Variants in RALYL observed in about 807,000 individuals in gnomAD.
The protein encoded by RALYL is RNA-binding Raly-like protein.
A neutral mutation model predicts 35.1 loss-of-function variants in RALYL; 29 were observed. The ratio of observed to expected loss-of-function variants is 0.83; its 90% confidence interval spans 0.61 to 1.13. RALYL has a LOEUF of 1.13. Among genes scored for constraint, RALYL ranks in the 50% most tolerant of loss-of-function variants. RALYL has a pLI of 0.00. For synonymous variants in RALYL, 120 were observed against 127.6 expected, an observed-to-expected ratio of 0.94 and a Z score of 0.40; for missense variants, 359 against 360.4, an observed-to-expected ratio of 1.00 and a Z score of 0.03.
At chr8:84,850,166 C>T (rs1835542125) in intron 5 of RALYL, 139 bp downstream of exon 5, 1 of 450,292 alleles carries the variant, frequency 2.2e-6, no homozygotes, top group Non-Finnish European at 3.9e-6. Flanking sequence ...TAAATCCCAA[C>T]AAAATATACA....
intron 1 of RALYL, among the ~76,000 whole-genome samples, chr8:84,230,346 A>G (rs1033147133): frequency 6.6e-6 from 1 of 152,096 alleles, no homozygotes. Flanking sequence ...ATATTAATAA[A>G]TATTGCAGGA....
intron 2 of RALYL, among the ~76,000 whole-genome samples, chr8:84,625,888 T>G (rs1264307453): frequency 1.3e-5 from 2 of 152,140 alleles, no homozygotes; most frequent in Non-Finnish European, 2.9e-5. Flanking sequence ...AGTGTCATGG[T>G]CAAGTCACAT....
chr8:84,732,074 T>A (rs1431177162), intron 2 of RALYL, among the ~76,000 whole-genome samples: 1 of 152,158 alleles, frequency 6.6e-6, no homozygotes, highest in African/African-American at 2.4e-5. Context: ...CAGAGAAAAT[T>A]CCTCTTCTAT....
intron 2 of RALYL, among the ~76,000 whole-genome samples, chr8:84,611,205 A>G (rs1818237905): frequency 6.6e-6 from 1 of 152,110 alleles, no homozygotes; most frequent in African/African-American, 2.4e-5. Context: ...TTTTTTATTC[A>G]CATAACTTTT....
At chr8:84,851,481 C>T (rs567971723) in intron 5 of RALYL, among the ~76,000 whole-genome samples, 12 of 151,920 alleles carry the variant, frequency 7.9e-5, no homozygotes, top group Admixed American at 1.3e-4. Flanking sequence ...AGATAGATTA[C>T]GGGATTAAAA....
chr8:84,916,065 C>G (rs1848413439), intron 8 of RALYL, among the ~76,000 whole-genome samples: 1 of 151,622 alleles, frequency 6.6e-6, no homozygotes, highest in African/African-American at 2.4e-5. Flanking sequence ...ATTTTCTTTC[C>G]TAAAACTGAA....
chr8:84,214,222 C>G (rs1201545877), intron 1 of RALYL, among the ~76,000 whole-genome samples: 1 of 151,942 alleles, frequency 6.6e-6, no homozygotes, highest in Non-Finnish European at 1.5e-5. Flanking sequence ...TGTAAGTGAA[C>G]TCTGAGTAAT....
intron 1 of RALYL, among the ~76,000 whole-genome samples, chr8:84,209,651 C>T (rs376016535): frequency 2.6e-5 from 4 of 152,124 alleles, no homozygotes; most frequent in Non-Finnish European, 5.9e-5. Flanking sequence ...GACTTAGGTT[C>T]ACCTGAGCCT....
At chr8:84,804,831 T>C in intron 4 of RALYL, 29 bp downstream of exon 4, 1 of 1,003,466 alleles carries the variant, frequency 1.0e-6, no homozygotes, top group Non-Finnish European at 1.3e-6. Flanking sequence ...ACTTTAAGTA[T>C]TAATTATTTA....
At chr8:84,744,984 A>G (rs1486627167) in intron 2 of RALYL, among the ~76,000 whole-genome samples, 1 of 151,950 alleles carries the variant, frequency 6.6e-6, no homozygotes, top group East Asian at 1.9e-4. Context: ...ATTCATCTGG[A>G]AAAACATTAG....
At chr8:84,551,345 G>A (rs2060707621) in intron 2 of RALYL, among the ~76,000 whole-genome samples, 1 of 152,096 alleles carries the variant, frequency 6.6e-6, no homozygotes, top group South Asian at 2.1e-4. Flanking sequence ...CTGGTTTGAA[G>A]ATGGGAATTG....
intron 1 of RALYL, among the ~76,000 whole-genome samples, chr8:84,224,788 C>G (rs1011832124): frequency 1.3e-5 from 2 of 151,968 alleles, no homozygotes; most frequent in Non-Finnish European, 2.9e-5. Context: ...TCCTGAGTAG[C>G]TGGGACTACA....
intron 1 of RALYL, among the ~76,000 whole-genome samples, chr8:84,461,646 TGA>T (rs1490096910): frequency 2.6e-5 from 4 of 151,710 alleles, no homozygotes; most frequent in East Asian, 1.9e-4. Flanking sequence ...TGTATGGTCA[TGA>T]GAGAGGTCAA....
Position 84,797,008 on chromosome 8 carries a change from C to T in RALYL, c.333-7762C>T, listed in dbSNP as rs762172593. Among the ~76,000 whole-genome samples, 17 of 152,220 alleles carry T rather than the reference C, an allele frequency of 1.1e-4. No individual in the cohort carries two copies. The South Asian group carries it at 3.3e-3, about 30-fold the overall frequency. ...CGTCACTTTGCTGTGTGTCTTAGTT[C>T]GTTTCCTGCTACTATCACAGAGTAA... On this transcript the variant is annotated intron_variant, in intron 3 of 8. Transcript: ENST00000521268.
intron 1 of RALYL, among the ~76,000 whole-genome samples, chr8:84,382,230 T>TA (rs559887402): frequency 0.05 from 6,818 of 136,358 alleles, 164 homozygotes; most frequent in Middle Eastern, 0.06. Context: ...GCATTAGAAT[T>TA]AAAAAAAAAA....
intron 2 of RALYL, among the ~76,000 whole-genome samples, chr8:84,759,636 A>G (rs930260325): frequency 6.6e-6 from 1 of 152,204 alleles, no homozygotes. Flanking sequence ...GAGTTTTGCT[A>G]GAATACTGCC....
At chr8:84,221,464 T>C (rs989334575) in intron 1 of RALYL, among the ~76,000 whole-genome samples, 2 of 151,998 alleles carry the variant, frequency 1.3e-5, no homozygotes, top group Non-Finnish European at 2.9e-5. Context: ...CTGTGTAAGC[T>C]CTGGGGAAAT....
chr8:84,621,913 C>A (rs1453800853), intron 2 of RALYL, among the ~76,000 whole-genome samples: 5 of 152,146 alleles, frequency 3.3e-5, no homozygotes, highest in Non-Finnish European at 5.9e-5. Context: ...TTCTATGAAA[C>A]CAATTTACTA....
intron 2 of RALYL, among the ~76,000 whole-genome samples, chr8:84,716,012 A>G (rs932648823): frequency 2.0e-5 from 3 of 152,130 alleles, no homozygotes; most frequent in Non-Finnish European, 2.9e-5. Context: ...GTAATGTTCC[A>G]TGCCTTGGGC....
Sources: gnomAD v4.1 joint callset for allele counts (sites outside exome capture counted in the v4.1 genomes callset) on GRCh38, gnomAD v4.1.1 for gene constraint, MANE v1.5 for transcripts, NCBI Gene and HGNC (gene_info 2026-07-23, HGNC 2026-07-21) for gene names.